Variants in TASP1 observed in about 807,000 individuals in gnomAD.
The protein encoded by TASP1 is threonine aspartase 1.
Under a neutral mutation model 56.6 loss-of-function variants are expected in TASP1, and 16 were observed. That is an observed-to-expected ratio of 0.28 (90% CI 0.19 to 0.43). The LOEUF (loss-of-function observed/expected upper bound fraction) is 0.43, where lower values mean the gene tolerates loss of function less well. Among genes scored for constraint, TASP1 ranks in the 20% least tolerant of loss-of-function variants. The pLI, the probability that TASP1 is intolerant of heterozygous loss-of-function variation, is 1.00. For synonymous variants in TASP1, 179 were observed against 184.2 expected, an observed-to-expected ratio of 0.97 and a Z score of 0.23; for missense variants, 393 against 511.6, an observed-to-expected ratio of 0.77 and a Z score of 2.24.
the TASP1 span, among the ~76,000 whole-genome samples, chr20:13,195,175 C>G: frequency 6.6e-6 from 1 of 152,108 alleles, no homozygotes; most frequent in Non-Finnish European, 1.5e-5. Context: ...TACTTTTGCA[C>G]CAACTTAACA....
rs1286238930 is a variant in TASP1 at position 13,629,991 on chromosome 20, A to C, written c.88T>G (p.Leu30Val). The change falls in exon 2 of 14, where the codon TTG becomes GTG. Residue 30 changes from leucine (L) to valine (V), a missense_variant. Leu to Val is a conservative substitution (Grantham distance 32). Coordinates refer to ENST00000337743, the MANE Select transcript of TASP1 (RefSeq NM_017714.3). ...VSAGKITAKELETKQSYKEKR... is the reference protein window; with the variant it reads ...VSAGKITAKEVETKQSYKEKR... ...TCTTTATAGGACTGCTTTGTTTCCAACTCTTTGGCTGTTATTTTACCAGCC... is the reference window on the plus strand; with the variant it reads ...TCTTTATAGGACTGCTTTGTTTCCACCTCTTTGGCTGTTATTTTACCAGCC... 6.2e-7 allele frequency: 1 copy of C among 1,613,710 alleles called. No individual in the cohort carries two copies. Among genetic ancestry groups the C allele is most frequent in the Non-Finnish European group, 8.5e-7 (1 of 1,179,922 alleles).
the TASP1 span, among the ~76,000 whole-genome samples, chr20:13,293,972 C>A: frequency 6.7e-6 from 1 of 150,134 alleles, no homozygotes; most frequent in Admixed American, 6.6e-5. Context: ...GAAACTCCAT[C>A]TCAAAAAAAA....
At chr20:13,588,495 T>C (rs1213437240) in intron 4 of TASP1, among the ~76,000 whole-genome samples, 1 of 152,116 alleles carries the variant, frequency 6.6e-6, no homozygotes, top group African/African-American at 2.4e-5. Context: ...ATGAGATTAA[T>C]GTGCAAAAAT....
chr20:13,355,714 G>T, the TASP1 span, among the ~76,000 whole-genome samples: 1 of 152,168 alleles, frequency 6.6e-6, no homozygotes, highest in East Asian at 1.9e-4. Context: ...AGTGCTCCAT[G>T]GACTGGCTCT....
chr20:13,198,464 CA>C, the TASP1 span, among the ~76,000 whole-genome samples: 1 of 152,128 alleles, frequency 6.6e-6, no homozygotes, highest in Admixed American at 6.6e-5. Context: ...TAATTACCTG[CA>C]AAGTCCCCAC....
At chr20:13,629,790 C>A (rs2049021126) in intron 2 of TASP1, 144 bp downstream of exon 2, 11 of 1,244,032 alleles carry the variant, frequency 8.8e-6, no homozygotes, top group Admixed American at 6.1e-5. Context: ...CTCACTATAT[C>A]CAAGTCAAAC....
intron 4 of TASP1, among the ~76,000 whole-genome samples, chr20:13,591,253 A>G (rs1224905967): frequency 3.9e-5 from 6 of 152,128 alleles, no homozygotes; most frequent in Non-Finnish European, 5.9e-5. Context: ...AAGCTCAACA[A>G]TCCCCAAATA....
chr20:13,621,655 A>C (rs528443172), intron 4 of TASP1, among the ~76,000 whole-genome samples: 1 of 152,334 alleles, frequency 6.6e-6, no homozygotes, highest in South Asian at 2.1e-4. Flanking sequence ...ATTATTTCAA[A>C]ATGTATTTTT....
chr20:13,473,519 C>T (rs1412695029), intron 11 of TASP1, among the ~76,000 whole-genome samples: 1 of 152,002 alleles, frequency 6.6e-6, no homozygotes, highest in Non-Finnish European at 1.5e-5. Context: ...ACTCTATTGC[C>T]AAAAGCCTTA....
intron 10 of TASP1, among the ~76,000 whole-genome samples, chr20:13,485,970 C>T (rs974806253): frequency 2.0e-5 from 3 of 152,200 alleles, no homozygotes; most frequent in Non-Finnish European, 4.4e-5. Context: ...AAAGACTTTG[C>T]TCTGCTGTTA....
intron 12 of TASP1, among the ~76,000 whole-genome samples, chr20:13,433,558 T>A (rs1600776967): frequency 6.9e-6 from 1 of 145,780 alleles, no homozygotes; most frequent in South Asian, 2.1e-4. Context: ...TGGTGGTTAG[T>A]GTCCAGGTGG....
chr20:13,392,761 G>A (rs1184920594), intron 13 of TASP1: 2 of 594,342 alleles, frequency 3.4e-6, no homozygotes, highest in Non-Finnish European at 6.4e-6. Context: ...TAAAGCAGAT[G>A]TTCTCACCAT....
chr20:13,206,236 TAC>T, the TASP1 span, among the ~76,000 whole-genome samples: 6 of 152,144 alleles, frequency 3.9e-5, no homozygotes, highest in Non-Finnish European at 8.8e-5. Context: ...TTTAACTCAC[TAC>T]ACACACTTGG....
intron 11 of TASP1, among the ~76,000 whole-genome samples, chr20:13,441,884 C>T (rs571094231): frequency 1.7e-4 from 26 of 152,266 alleles, no homozygotes; most frequent in Non-Finnish European, 2.9e-4. Flanking sequence ...GAAACAGAGA[C>T]TTCAAAGTTT....
chr20:13,425,139 C>T (rs981502573), intron 12 of TASP1, among the ~76,000 whole-genome samples: 2 of 152,126 alleles, frequency 1.3e-5, no homozygotes, highest in African/African-American at 4.8e-5. Flanking sequence ...AATTTATATG[C>T]CCAACACCGG....
In TASP1 at chr20:13,389,671, AG is replaced by A. The variant is rs994637197; in HGVS notation, c.*688del. ...ACAGCTCGAAGCTATGCAATATTTA[AG>A]CTTAGAAAAGCTTGATGAAATAAGT... On this transcript the variant is annotated 3_prime_UTR_variant, in exon 14 of 14. Transcript: ENST00000337743. 1 of 152,736 alleles carries A rather than the reference AG, an allele frequency of 6.5e-6. No homozygotes were observed. Among genetic ancestry groups the A allele is most frequent in the African/African-American group, 2.4e-5 (1 of 41,460 alleles). The allele number at this position is 152,736 out of a possible 1,614,324, so 9.5% of individuals were successfully genotyped here.
At chr20:13,407,869 T>C (rs1316370406) in intron 13 of TASP1, among the ~76,000 whole-genome samples, 1 of 152,224 alleles carries the variant, frequency 6.6e-6, no homozygotes, top group Non-Finnish European at 1.5e-5. Context: ...TGGCTATTTG[T>C]ATATCGTCTT....
chr20:13,314,145 T>C, the TASP1 span, among the ~76,000 whole-genome samples: 13 of 151,894 alleles, frequency 8.6e-5, no homozygotes, highest in African/African-American at 3.1e-4. Flanking sequence ...GAGACAACTA[T>C]GAAAATTGTA....
the TASP1 span, among the ~76,000 whole-genome samples, chr20:13,364,506 C>T: frequency 6.6e-6 from 1 of 152,098 alleles, no homozygotes; most frequent in African/African-American, 2.4e-5. Context: ...GTCAGTTCTC[C>T]CCACATCTTT....
Sources: gnomAD v4.1 joint callset for allele counts (sites outside exome capture counted in the v4.1 genomes callset) on GRCh38, gnomAD v4.1.1 for gene constraint, MANE v1.5 for transcripts, NCBI Gene and HGNC (gene_info 2026-07-23, HGNC 2026-07-21) for gene names.